MYT1: variants seen among roughly 807,000 people sequenced by gnomAD.
MYT1 encodes myelin transcription factor I.
Under a neutral mutation model 123.0 loss-of-function variants are expected in MYT1, and 23 were observed. The observed-to-expected ratio is 0.19, with a 90% confidence interval of 0.13 to 0.26. MYT1 has a LOEUF of 0.26. Ranked by LOEUF, MYT1 falls within the 10% of genes least tolerant of loss-of-function variation. MYT1 has a pLI of 1.00. For missense variants in MYT1, 1,125 were observed against 1,472.5 expected (o/e 0.76, Z 3.86); for synonymous variants, 518 against 575.3 (o/e 0.90, Z 1.43).
At chr20:64,233,988 G>A (rs753710889) in intron 19 of MYT1, among the ~76,000 whole-genome samples, 7 of 152,226 alleles carry the variant, frequency 4.6e-5, no homozygotes. Flanking sequence ...GAAGGCAGAG[G>A]AGAGACTAGA....
At chr20:64,229,763 G>A (rs751123905) in intron 18 of MYT1, among the ~76,000 whole-genome samples, 1 of 152,328 alleles carries the variant, frequency 6.6e-6, no homozygotes, top group South Asian at 2.1e-4. Flanking sequence ...GATATCTCCT[G>A]CCTGCGCTAT....
At position 64,212,027 on chromosome 20, in the gene MYT1, C is replaced by G. The variant is rs776601150; in HGVS notation, c.1427-21C>G. The G allele has an allele frequency of 1.9e-6, 3 of 1,604,734 alleles. No homozygotes were observed. The East Asian group carries it at 6.7e-5, about 36-fold the overall frequency. On this transcript the variant is annotated intron_variant, in intron 8 of 22. Transcript: ENST00000328439. This position sits in a 1 kb window ranked among gnomAD's most constrained non-coding sequence, Gnocchi z 6.8. ...GATTCTCTGACAGCCTCGGCTCCCT[C>G]CACCCCCTGTTCTCTTACAGTCTTA...
At chr20:64,180,253 T>A (rs1223562228) in intron 1 of MYT1, among the ~76,000 whole-genome samples, 2 of 152,294 alleles carry the variant, frequency 1.3e-5, no homozygotes, top group Middle Eastern at 6.8e-3. Context: ...CTTTTTCACC[T>A]AGGTCTGTAT....
At chr20:64,222,930 G>T (rs1216873669) in intron 14 of MYT1, among the ~76,000 whole-genome samples, 181 bp from the exon 15 acceptor site, 1 of 152,252 alleles carries the variant, frequency 6.6e-6, no homozygotes, top group East Asian at 1.9e-4. Flanking sequence ...GTTAAGTTGT[G>T]TGGGAGAAAC....
chr20:64,204,723 C>T (rs1276252401), intron 4 of MYT1, among the ~76,000 whole-genome samples: 3 of 152,206 alleles, frequency 2.0e-5, no homozygotes, highest in South Asian at 2.1e-4. Context: ...CACCTCAGAG[C>T]GTCTCGTGTC....
Position 64,208,504 on chromosome 20 carries a change from G to A in MYT1, c.1291+17G>A, listed in dbSNP as rs1385229017. On this transcript the variant is annotated intron_variant, in intron 7 of 22. Coordinates refer to ENST00000328439, the MANE Select transcript of MYT1 (RefSeq NM_004535.3). This position sits in a 1 kb window ranked among gnomAD's most constrained non-coding sequence, Gnocchi z 5.4. Reference sequence around the variant, plus strand: ...ACAGTAAAGGTAGGGCTCAGGGGTGGCCTGGCCCTGCAGACTCATCCTTTC... The same window carrying A: ...ACAGTAAAGGTAGGGCTCAGGGGTGACCTGGCCCTGCAGACTCATCCTTTC... 1 of 1,568,060 alleles carries A rather than the reference G, an allele frequency of 6.4e-7. No homozygotes were observed. Among genetic ancestry groups the A allele is most frequent in the Non-Finnish European group, 8.7e-7 (1 of 1,154,276 alleles).
chr20:64,181,792 C>T (rs1381905848), intron 1 of MYT1, among the ~76,000 whole-genome samples: 1 of 152,200 alleles, frequency 6.6e-6, no homozygotes, highest in Non-Finnish European at 1.5e-5. Flanking sequence ...GTGGGGACCT[C>T]GCTTTGAACT....
intron 1 of MYT1, among the ~76,000 whole-genome samples, chr20:64,169,257 C>T (rs538556579): frequency 1.7e-4 from 26 of 152,282 alleles, no homozygotes; most frequent in African/African-American, 6.0e-4. Context: ...CCCTGAGACT[C>T]TCGGACCGCA....
chr20:64,201,833 C>T (rs1300741762), intron 4 of MYT1, among the ~76,000 whole-genome samples: 9 of 152,220 alleles, frequency 5.9e-5, no homozygotes, highest in Non-Finnish European at 1.3e-4. Context: ...AGGAGCATCG[C>T]GTCCTGTGTG....
At chr20:64,230,755 T>A (rs1171300752) in intron 18 of MYT1, among the ~76,000 whole-genome samples, 1 of 152,118 alleles carries the variant, frequency 6.6e-6, no homozygotes, top group Non-Finnish European at 1.5e-5. Flanking sequence ...GGGGATGAGG[T>A]GACCTCGGAC....
rs117213428 is a variant in MYT1 at position 64,221,502 on chromosome 20, G to A, written c.2242-391G>A. Among the ~76,000 whole-genome samples, 4 of 152,294 alleles carry A rather than the reference G, an allele frequency of 2.6e-5. No individual in the cohort carries two copies. In the East Asian group the frequency reaches 7.7e-4, roughly 29 times the overall value. On this transcript the variant is annotated intron_variant, in intron 13 of 22. Transcript: ENST00000328439. The stretch of plus-strand genomic sequence containing the variant: ...TGCCATCTCATCTTCATGGCATTTC[G>A]GTAACACTTATTTAGTGCCTACTGT...
intron 1 of MYT1, among the ~76,000 whole-genome samples, chr20:64,169,501 G>A (rs1982179908): frequency 6.6e-6 from 1 of 152,168 alleles, no homozygotes; most frequent in South Asian, 2.1e-4. Context: ...AAGACTTAGA[G>A]CTGGGGGACA....
At chr20:64,230,912 A>G (rs1441237586) in intron 18 of MYT1, among the ~76,000 whole-genome samples, 1 of 152,226 alleles carries the variant, frequency 6.6e-6, no homozygotes, top group South Asian at 2.1e-4. Context: ...CGGCAGCTTC[A>G]GAGACGAGGC....
At position 64,190,229 on chromosome 20, in the gene MYT1, CAGCTGCAGGCATGAAGCATGGAG is replaced by C. The variant is rs1211788727; in HGVS notation, c.-1+70_-1+92del. 6.6e-6 allele frequency: 1 copy of C among 152,590 alleles called. No individual in the cohort carries two copies. The highest frequency in any genetic ancestry group is 1.5e-5 in the Non-Finnish European group (1 of 68,102). The allele number at this position is 152,590 out of a possible 1,614,324, so 9.5% of individuals were successfully genotyped here. A position where few individuals can be genotyped will look rare whatever the true frequency, so the allele number is the denominator to read the frequency against. On this transcript the variant is annotated intron_variant, in intron 2 of 22. Transcript: ENST00000328439. This position sits in a 1 kb window ranked among gnomAD's most constrained non-coding sequence, Gnocchi z 4.1. ...TGGCTGCCTGCACAAAGCCTCTCTT[CAGCTGCAGGCATGAAGCATGGAG>C]GCGACTTTTGGTCTGATCCTCACCA...
intron 12 of MYT1, 39 bp downstream of exon 12, chr20:64,219,074 G>A (rs1324527769): frequency 1.4e-5 from 22 of 1,572,294 alleles, no homozygotes; most frequent in Non-Finnish European, 1.7e-5. Flanking sequence ...TGGGAGAGGT[G>A]AGTTGGTGGA....
rs1982915382 is a variant in MYT1, at chr20:64,189,910, C to A, written c.-98-153C>A. Among the ~76,000 whole-genome samples, 2 of 152,172 alleles carry A rather than the reference C, an allele frequency of 1.3e-5. No homozygotes were observed. The highest frequency in any genetic ancestry group is 4.8e-5 in the African/African-American group (2 of 41,438). Reference sequence around the variant, plus strand: ...CCTGAAGCAGCCATGGAGCCATGACCTTGTCTGTTTCTCCGGTGGATTCCA... The same window carrying A: ...CCTGAAGCAGCCATGGAGCCATGACATTGTCTGTTTCTCCGGTGGATTCCA... On this transcript the variant is annotated intron_variant, in intron 1 of 22. Transcript: ENST00000328439. This position sits in a 1 kb window ranked among gnomAD's most constrained non-coding sequence, Gnocchi z 5.5.
intron 1 of MYT1, among the ~76,000 whole-genome samples, chr20:64,180,048 A>G (rs1229375128): frequency 2.2e-5 from 3 of 138,980 alleles, no homozygotes; most frequent in Admixed American, 1.5e-4. Flanking sequence ...CCACACAGTC[A>G]CACACAGTTA....
At chr20:64,188,720 C>T (rs924465351) in intron 1 of MYT1, among the ~76,000 whole-genome samples, 1 of 152,240 alleles carries the variant, frequency 6.6e-6, no homozygotes, top group South Asian at 2.1e-4. Flanking sequence ...CACACCGGCT[C>T]AGTGCAGATG....
chr20:64,217,261 C>A lies in MYT1; in HGVS notation c.1826C>A (p.Thr609Asn), dbSNP rs139892919. The A allele has an allele frequency of 1.7e-5, 27 of 1,614,238 alleles. No individual in the cohort carries two copies. The East Asian group carries it at 5.8e-4, about 35-fold the overall frequency. ...MLAPKIQTSE[T>N]SPKAFQCFDY... ...GCCCCAAAGATTCAGACCAGCGAAA[C>A]CTCACCTAAAGCCTTTCAATGTAAG... The change falls in exon 11 of 23, where the codon ACC (threonine) becomes AAC (asparagine). Residue 609 changes from threonine (T) to asparagine (N), a missense_variant. This residue lies in a region of MYT1 where 429 missense variants were observed against 604.1 expected (regional missense o/e 0.71). Transcript: ENST00000328439.
Sources: gnomAD v4.1 joint callset for allele counts (sites outside exome capture counted in the v4.1 genomes callset) on GRCh38, gnomAD v4.1.1 for gene constraint, gnomAD v4.1.1 regional missense constraint, Gnocchi (gnomAD v3.1) non-coding constraint, MANE v1.5 for transcripts, NCBI Gene and HGNC (gene_info 2026-07-23, HGNC 2026-07-21) for gene names.